Variants in CSGALNACT1 observed in about 807,000 individuals in gnomAD.
CSGALNACT1 encodes the protein beta4GalNAcT-1.
In CSGALNACT1, 52 loss-of-function variants were observed where a neutral mutation model predicts 51.0. The ratio of observed to expected loss-of-function variants is 1.02; its 90% confidence interval spans 0.82 to 1.29. CSGALNACT1 has a LOEUF of 1.29. CSGALNACT1 is among the 50% of genes most tolerant of loss of function. The pLI is 0.00. For missense variants in CSGALNACT1, 935 were observed against 679.2 expected (o/e 1.38, Z -4.19); for synonymous variants, 341 against 254.4 (o/e 1.34, Z -3.24).
At chr8:19,619,529 A>G (rs1471748925) in intron 1 of CSGALNACT1, among the ~76,000 whole-genome samples, 1 of 152,110 alleles carries the variant, frequency 6.6e-6, no homozygotes, top group East Asian at 1.9e-4. Context: ...GGAAACAAGC[A>G]GAAGGTTCCA....
chr8:19,617,232 G>C (rs1184996686), intron 1 of CSGALNACT1, among the ~76,000 whole-genome samples: 6 of 152,210 alleles, frequency 3.9e-5, no homozygotes, highest in Non-Finnish European at 7.3e-5. Context: ...AGCTTAAGCA[G>C]TGATGCAAGT....
intron 1 of CSGALNACT1, among the ~76,000 whole-genome samples, chr8:19,753,667 G>A (rs2065181823): frequency 6.6e-6 from 1 of 152,008 alleles, no homozygotes; most frequent in African/African-American, 2.4e-5. Context: ...GGGTCTAACT[G>A]TTTCTAATTT....
chr8:19,615,916 T>C (rs1460837963), intron 1 of CSGALNACT1, among the ~76,000 whole-genome samples: 1 of 152,228 alleles, frequency 6.6e-6, no homozygotes, highest in African/African-American at 2.4e-5. Flanking sequence ...GAAGAAGTCT[T>C]AATTTATCAA....
At chr8:19,459,123 T>C (rs2064792759) in intron 4 of CSGALNACT1, among the ~76,000 whole-genome samples, 1 of 152,242 alleles carries the variant, frequency 6.6e-6, no homozygotes, top group South Asian at 2.1e-4. Flanking sequence ...CAGTGGCTCA[T>C]GCCTATAAAC....
intron 2 of CSGALNACT1, among the ~76,000 whole-genome samples, chr8:19,598,382 A>G (rs770476046): frequency 6.6e-6 from 1 of 152,194 alleles, no homozygotes; most frequent in South Asian, 2.1e-4. Flanking sequence ...TTAAAAGCTT[A>G]CAGACTTTAT....
chr8:19,430,193 A>C (rs1330891709), intron 6 of CSGALNACT1, among the ~76,000 whole-genome samples: 1 of 152,184 alleles, frequency 6.6e-6, no homozygotes, highest in African/African-American at 2.4e-5. Context: ...AAAAGTTTTT[A>C]ATTTTGATAA....
intron 2 of CSGALNACT1, among the ~76,000 whole-genome samples, chr8:19,593,522 C>T (rs373544557): frequency 6.6e-6 from 1 of 152,220 alleles, no homozygotes; most frequent in African/African-American, 2.4e-5. Context: ...ACGGACTACA[C>T]TAGGGCCATC....
chr8:19,502,948 G>A (rs1389660091), intron 4 of CSGALNACT1, among the ~76,000 whole-genome samples: 1 of 117,138 alleles, frequency 8.5e-6, no homozygotes, highest in Non-Finnish European at 2.0e-5. Context: ...GTAGTGCCAG[G>A]AATCCCACTT....
At chr8:19,673,196 C>A (rs2059922844) in intron 1 of CSGALNACT1, among the ~76,000 whole-genome samples, 1 of 152,226 alleles carries the variant, frequency 6.6e-6, no homozygotes, top group Non-Finnish European at 1.5e-5. Context: ...AAAATGGACT[C>A]CGATGCAAGG....
intron 3 of CSGALNACT1, among the ~76,000 whole-genome samples, chr8:19,586,421 A>G (rs560382317): frequency 2.2e-4 from 33 of 151,118 alleles, no homozygotes; most frequent in East Asian, 7.7e-4. Context: ...AAAAAAAAAA[A>G]AAGAAGAAGA....
chr8:19,740,860 TTTA>T (rs2064268895), intron 1 of CSGALNACT1, among the ~76,000 whole-genome samples: 1 of 152,218 alleles, frequency 6.6e-6, no homozygotes, highest in Non-Finnish European at 1.5e-5. Flanking sequence ...AGTTATTTGC[TTTA>T]TTATCATAAG....
At chr8:19,637,309 A>G (rs1453880201) in intron 1 of CSGALNACT1, among the ~76,000 whole-genome samples, 2 of 152,220 alleles carry the variant, frequency 1.3e-5, no homozygotes, top group South Asian at 2.1e-4. Context: ...CTTTTCAACC[A>G]AAAGCCTTTA....
rs886970228 is a variant in CSGALNACT1, at chr8:19,662,086, C to A, written c.-544+20387G>T. 6.2e-5 allele frequency among the ~76,000 whole-genome samples: 7 copies of A among 113,102 alleles called. No individual in the cohort carries two copies. In the South Asian group the frequency reaches 1.9e-3, roughly 31 times the overall value. The allele number at this position is 113,102 out of a possible 152,430, so 74.2% of individuals were successfully genotyped here. ...CCCACCCCCCCCCACCCCCCCCCCC[C>A]CCCGCATCTTCAGCAGCTTCAGCTC... On this transcript the variant is annotated intron_variant, in intron 1 of 9. Coordinates refer to the CSGALNACT1 transcript ENST00000332246.
At chr8:19,666,884 A>AG (rs1491297487) in intron 1 of CSGALNACT1, among the ~76,000 whole-genome samples, 1 of 118,364 alleles carries the variant, frequency 8.4e-6, no homozygotes, top group Non-Finnish European at 1.7e-5. Flanking sequence ...AAAGAAAGAA[A>AG]GAGAGAGAGG....
chr8:19,733,535 G>T (rs759059841), intron 1 of CSGALNACT1, among the ~76,000 whole-genome samples: 2 of 151,964 alleles, frequency 1.3e-5, no homozygotes, highest in Non-Finnish European at 2.9e-5. Context: ...GAAGTTTTAC[G>T]CCAATATGGA....
upstream of CSGALNACT1, among the ~76,000 whole-genome samples, chr8:19,684,331 CAAAGG>C (rs2060846746): frequency 6.6e-6 from 1 of 152,092 alleles, no homozygotes; most frequent in Admixed American, 6.5e-5. Context: ...CGTTCATTGA[CAAAGG>C]TATTGAAGCA....
intron 5 of CSGALNACT1, among the ~76,000 whole-genome samples, chr8:19,445,559 T>C (rs151269836): frequency 5.3e-5 from 8 of 152,346 alleles, no homozygotes; most frequent in East Asian, 1.9e-4. Flanking sequence ...TACTCTTCTC[T>C]TTCATTCATT....
At chr8:19,561,579 G>C (rs2040730008) in intron 3 of CSGALNACT1, among the ~76,000 whole-genome samples, 1 of 152,202 alleles carries the variant, frequency 6.6e-6, no homozygotes, top group African/African-American at 2.4e-5. Context: ...AGGCGGCCTT[G>C]GCCTGTCCTG....
chr8:19,662,945 T>A (rs1402697376), intron 1 of CSGALNACT1, among the ~76,000 whole-genome samples: 1 of 152,006 alleles, frequency 6.6e-6, no homozygotes, highest in East Asian at 1.9e-4. Flanking sequence ...AACCCAAACA[T>A]CTGTTTGCAG....
Sources: allele counts gnomAD v4.1 joint callset (sites outside exome capture counted in the v4.1 genomes callset), GRCh38; gene constraint gnomAD v4.1.1; transcripts MANE v1.5; gene names NCBI Gene and HGNC (gene_info 2026-07-23, HGNC 2026-07-21).